Variants in ACOT7 observed in about 807,000 individuals in gnomAD.
The protein encoded by ACOT7 is cytosolic acyl coenzyme A thioester hydrolase.
ACOT7 carries 12 observed loss-of-function variants against 40.2 expected under a neutral mutation model. The ratio of observed to expected loss-of-function variants is 0.30; its 90% CI spans 0.19 to 0.48. The LOEUF is 0.48. Among genes scored for constraint, ACOT7 ranks in the 20% least tolerant of loss-of-function variants. The probability of loss-of-function intolerance (pLI) is 0.99; values close to 1 mark genes in which losing one functional copy is unlikely to be tolerated. For synonymous variants in ACOT7, 228 were observed against 219.5 expected (o/e 1.04, Z -0.34); for missense variants, 395 against 530.8 (o/e 0.74, Z 2.51).
chr1:6,310,623 G>A (rs1412019129), intron 6 of ACOT7, among the ~76,000 whole-genome samples: 1 of 152,206 alleles, frequency 6.6e-6, no homozygotes, highest in Non-Finnish European at 1.5e-5. Flanking sequence ...AATCATCAGA[G>A]CCACCCAGGG....
chr1:6,393,636 CG>C lies in ACOT7; in HGVS notation c.-238del, dbSNP rs1642578950. Reference sequence around the variant, plus strand: ...CGGTGGCGGTTGGGCCGCGCCGGTGCGGGGAAGGCCCGCTAGCCGCGGCAGC... The same window carrying C: ...CGGTGGCGGTTGGGCCGCGCCGGTGCGGGAAGGCCCGCTAGCCGCGGCAGC... On this transcript the variant is annotated 5_prime_UTR_variant, in exon 1 of 9. Transcript: ENST00000361521. 2 of 299,708 alleles carry C rather than the reference CG, an allele frequency of 6.7e-6. No individual in the cohort carries two copies. The highest frequency in any genetic ancestry group is 9.8e-4 in the Middle Eastern group (1 of 1,022). 18.6% of individuals were successfully genotyped at this position (299,708 alleles called of 1,614,324 possible).
At chr1:6,342,161 T>A (rs925710717) in intron 2 of ACOT7, among the ~76,000 whole-genome samples, 16 of 152,222 alleles carry the variant, frequency 1.1e-4, no homozygotes, top group African/African-American at 3.9e-4. Context: ...GACGGGCAGA[T>A]TCCATGCCTG....
In ACOT7 at chr1:6,324,400, C is replaced by T. The variant is rs538126874; in HGVS notation, c.625+2899G>A. Reference sequence around the variant, plus strand: ...TCGAGATTCAGGAGGCCAACTCTGACTGACAGTGAATAACACATTCTGAAA... The same window carrying T: ...TCGAGATTCAGGAGGCCAACTCTGATTGACAGTGAATAACACATTCTGAAA... On this transcript the variant is annotated intron_variant, in intron 5 of 8. Transcript: ENST00000361521. 2.6e-4 allele frequency among the ~76,000 whole-genome samples: 39 copies of T among 152,214 alleles called. 1 individual carries two copies. Among genetic ancestry groups the T allele is most frequent in the Non-Finnish European group, 5.4e-4 (37 of 68,032 alleles).
chr1:6,325,492 C>G (rs1445683692), intron 5 of ACOT7, among the ~76,000 whole-genome samples: 2 of 151,942 alleles, frequency 1.3e-5, no homozygotes, highest in Non-Finnish European at 2.9e-5. Flanking sequence ...TTCTTTCTTT[C>G]TTTTTTTGGT....
At position 6,282,426 on chromosome 1, in the gene ACOT7, G is replaced by A. The variant is rs1022389361; in HGVS notation, c.830-1140C>T. On this transcript the variant is annotated intron_variant, in intron 7 of 8. Transcript: ENST00000361521. This position sits in a 1 kb window ranked among gnomAD's most constrained non-coding sequence, Gnocchi z 4.5. ...CTGCGGTCAGAATGCCCTCCCAGGCGGCCCAGCGTGGCCTCTATTCTGGGC... is the reference window on the plus strand; with the variant it reads ...CTGCGGTCAGAATGCCCTCCCAGGCAGCCCAGCGTGGCCTCTATTCTGGGC... Among the ~76,000 whole-genome samples, 5 of 152,134 alleles carry A rather than the reference G, an allele frequency of 3.3e-5. No individual in the cohort carries two copies. Among genetic ancestry groups the A allele is most frequent in the East Asian group, 1.9e-4 (1 of 5,170 alleles).
chr1:6,360,772 T>C (rs566396904), intron 1 of ACOT7: 20 of 1,529,894 alleles, frequency 1.3e-5, no homozygotes, highest in Middle Eastern at 1.7e-4. Flanking sequence ...CAGGCGGGCA[T>C]TGCTGCCTCC....
intron 1 of ACOT7, among the ~76,000 whole-genome samples, chr1:6,372,259 T>C (rs1281954444): frequency 3.9e-5 from 6 of 152,304 alleles, no homozygotes; most frequent in Admixed American, 6.5e-5. Flanking sequence ...TCAGCCTTCA[T>C]AGAATTGAAG....
At position 6,274,606 on chromosome 1, in the gene ACOT7, C is replaced by A. The variant is rs1016147844; in HGVS notation, c.1014+6496G>T. 1.3e-5 allele frequency among the ~76,000 whole-genome samples: 2 copies of A among 152,234 alleles called. No homozygotes were observed. The highest frequency in any genetic ancestry group is 2.9e-5 in the Non-Finnish European group (2 of 68,034). ...CGAGGTGGGCACCATGTTCCAGAGCCTTCTGAAAGTTGTGTGGGTCTGTGC... is the reference window on the plus strand; with the variant it reads ...CGAGGTGGGCACCATGTTCCAGAGCATTCTGAAAGTTGTGTGGGTCTGTGC... On this transcript the variant is annotated intron_variant, in intron 8 of 8. Transcript: ENST00000361521. This position sits in a 1 kb window ranked among gnomAD's most constrained non-coding sequence, Gnocchi z 5.9.
intron 4 of ACOT7, among the ~76,000 whole-genome samples, chr1:6,328,916 C>A (rs571964354): frequency 6.6e-6 from 1 of 152,318 alleles, no homozygotes; most frequent in African/African-American, 2.4e-5. Flanking sequence ...CTGCTCCATC[C>A]CCCACGACCT....
chr1:6,375,990 C>G (rs1363768805), intron 1 of ACOT7, among the ~76,000 whole-genome samples: 4 of 151,858 alleles, frequency 2.6e-5, no homozygotes, highest in Non-Finnish European at 4.4e-5. Context: ...CGCAGTGGCT[C>G]ACGCCTGTAA....
At chr1:6,376,228 C>T (rs954401900) in intron 1 of ACOT7, among the ~76,000 whole-genome samples, 2 of 151,702 alleles carry the variant, frequency 1.3e-5, no homozygotes, top group Non-Finnish European at 2.9e-5. Flanking sequence ...TGCACTCCAG[C>T]CTGAGGAAAA....
chr1:6,353,396 C>A (rs751467595), intron 1 of ACOT7, among the ~76,000 whole-genome samples: 14 of 152,082 alleles, frequency 9.2e-5, no homozygotes, highest in Non-Finnish European at 2.1e-4. Flanking sequence ...CTTACAGAGG[C>A]CGAGGCGGGG....
Position 6,265,339 on chromosome 1 carries a change from G to C in ACOT7, c.1015-644C>G, listed in dbSNP as rs548133172. Among the ~76,000 whole-genome samples, 4 of 152,320 alleles carry C rather than the reference G, an allele frequency of 2.6e-5. No homozygotes were observed. In the South Asian group the frequency reaches 8.3e-4, roughly 32 times the overall value. The stretch of plus-strand genomic sequence containing the variant: ...AGCTGCACACGGCCATTGCCCCAGC[G>C]AGAAGTGGGCAGATGCTGTGCTGCC... On this transcript the variant is annotated intron_variant, in intron 8 of 8. Transcript: ENST00000361521.
At chr1:6,291,585 C>T (rs1639664788) in intron 7 of ACOT7, among the ~76,000 whole-genome samples, 2 of 152,214 alleles carry the variant, frequency 1.3e-5, no homozygotes, top group South Asian at 4.1e-4. Context: ...CACGTGCAAC[C>T]CGAGGTGAGG....
rs534745426 is a variant in ACOT7, at chr1:6,289,650, A to C, written c.829+5214T>G. Among the ~76,000 whole-genome samples the C allele has an allele frequency of 1.6e-4, 25 of 152,102 alleles. No homozygotes were observed. The East Asian group carries it at 4.1e-3, about 25-fold the overall frequency. On this transcript the variant is annotated intron_variant, in intron 7 of 8. Coordinates refer to ENST00000361521, the MANE Select transcript of ACOT7 (RefSeq NM_007274.4). This position sits in a 1 kb window ranked among gnomAD's most constrained non-coding sequence, Gnocchi z 4.6. Reference sequence around the variant, plus strand: ...CAGCCTCACAAAGTGTTGGAATTACAAGCGTGAGCCACTGTGACCAGCCTG... The same window carrying C: ...CAGCCTCACAAAGTGTTGGAATTACCAGCGTGAGCCACTGTGACCAGCCTG...
chr1:6,291,315 AGAGG>A, intron 7 of ACOT7, among the ~76,000 whole-genome samples: 1 of 152,102 alleles, frequency 6.6e-6, no homozygotes, highest in East Asian at 1.9e-4. Flanking sequence ...AGAGACACAC[AGAGG>A]AAGAGGCCTT....
At chr1:6,329,940 T>G (rs1640910598) in intron 4 of ACOT7, among the ~76,000 whole-genome samples, 3 of 152,222 alleles carry the variant, frequency 2.0e-5, no homozygotes, top group African/African-American at 7.2e-5. Context: ...CTGGGAAAGC[T>G]GCAGGCAGGC....
In ACOT7 at chr1:6,278,179, G is replaced by A. The variant is rs1360285506; in HGVS notation, c.1014+2923C>T. On this transcript the variant is annotated intron_variant, in intron 8 of 8. Transcript: ENST00000361521. The surrounding 1 kb of genome is among the most constrained non-coding windows in gnomAD (Gnocchi z 4.1). Reference sequence around the variant, plus strand: ...AAGGAAAAAACGTCTGAGAAGTGCTGTAGCTCCAGGAGGCTCTGGGGAGGG... The same window carrying A: ...AAGGAAAAAACGTCTGAGAAGTGCTATAGCTCCAGGAGGCTCTGGGGAGGG... Among the ~76,000 whole-genome samples, 3 of 152,192 alleles carry A rather than the reference G, an allele frequency of 2.0e-5. No homozygotes were observed. Among genetic ancestry groups the A allele is most frequent in the African/African-American group, 2.4e-5 (1 of 41,452 alleles).
At chr1:6,347,680 T>A (rs1483198231) in intron 2 of ACOT7, among the ~76,000 whole-genome samples, 2 of 151,638 alleles carry the variant, frequency 1.3e-5, no homozygotes, top group Non-Finnish European at 2.9e-5. Flanking sequence ...GGCAGGAGAA[T>A]CGCTTGAACC....
Sources: allele counts gnomAD v4.1 joint callset (sites outside exome capture counted in the v4.1 genomes callset), GRCh38; gene constraint gnomAD v4.1.1; non-coding constraint Gnocchi (gnomAD v3.1); transcripts MANE v1.5; gene names NCBI Gene and HGNC (gene_info 2026-07-23, HGNC 2026-07-21).